C4orf17: variants seen among roughly 807,000 people sequenced by gnomAD.
C4orf17 encodes uncharacterized protein C4orf17.
C4orf17 carries 25 observed loss-of-function variants against 32.0 expected under a neutral mutation model. That is an observed-to-expected ratio of 0.78 (90% confidence interval 0.57 to 1.09). The LOEUF is 1.09. Ranked by LOEUF, C4orf17 falls within the 50% of genes least tolerant of loss-of-function variation. C4orf17 has a pLI of 0.00. For synonymous variants in C4orf17, 149 were observed against 145.8 expected (o/e 1.02, Z -0.16); for missense variants, 420 against 420.0 (o/e 1.00, Z 0.00).
intron 2 of C4orf17, among the ~76,000 whole-genome samples, chr4:99,515,988 G>C (rs1249755059): frequency 6.6e-6 from 1 of 152,110 alleles, no homozygotes; most frequent in Non-Finnish European, 1.5e-5. Context: ...TTGCAGGGAA[G>C]AAATGAAAAG....
At chr4:99,518,579 AGAGAGG>A (rs1560585664) in intron 2 of C4orf17, among the ~76,000 whole-genome samples, 7 of 120,350 alleles carry the variant, frequency 5.8e-5, no homozygotes, top group South Asian at 2.8e-4. Context: ...AGAGAGAGAG[AGAGAGG>A]GAGGGAGACA....
chr4:99,518,155 AC>A (rs1444459345), intron 2 of C4orf17, among the ~76,000 whole-genome samples: 1 of 151,910 alleles, frequency 6.6e-6, no homozygotes, highest in South Asian at 2.1e-4. Context: ...TCCTTTGATG[AC>A]TACTTTGCAA....
At chr4:99,517,034 A>C (rs955535844) in intron 2 of C4orf17, among the ~76,000 whole-genome samples, 1 of 152,162 alleles carries the variant, frequency 6.6e-6, no homozygotes. Flanking sequence ...GCTCGCTTAA[A>C]CAACCTGCTT....
intron 5 of C4orf17, among the ~76,000 whole-genome samples, chr4:99,530,920 T>C (rs1339775290): frequency 6.6e-6 from 1 of 152,254 alleles, no homozygotes; most frequent in African/African-American, 2.4e-5. Flanking sequence ...TTTCACCTGC[T>C]ACACTCTGGC....
At chr4:99,525,343 C>T (rs1723369112) in intron 4 of C4orf17, among the ~76,000 whole-genome samples, 1 of 152,112 alleles carries the variant, frequency 6.6e-6, no homozygotes, top group African/African-American at 2.4e-5. Flanking sequence ...AATGGTCAGT[C>T]TTTTTATTTT....
In C4orf17 at chr4:99,539,368, C is replaced by T; in HGVS notation, c.834C>T (p.Thr278=). Reference sequence around the variant, plus strand: ...GAGATACAGAAGGGGATCAACCAACCAGGTAATTAGATATAATGGCCCCCT... The same window carrying T: ...GAGATACAGAAGGGGATCAACCAACTAGGTAATTAGATATAATGGCCCCCT... ...LTRDTEGDQP[T]RVSSQGSEEN... Residue 278 remains threonine (T), a splice_region_variant and synonymous_variant, in exon 7 of 9, where the codon ACC becomes ACT. Coordinates refer to ENST00000326581, the MANE Select transcript of C4orf17 (RefSeq NM_032149.3). 6.2e-7 allele frequency: 1 copy of T among 1,613,152 alleles called. No individual in the cohort carries two copies. The highest frequency in any genetic ancestry group is 8.5e-7 in the Non-Finnish European group (1 of 1,179,128).
In C4orf17 at chr4:99,513,060, G is replaced by A. The variant is rs1303204858; in HGVS notation, c.-22G>A. 1.2e-6 allele frequency: 2 copies of A among 1,612,964 alleles called. No individual in the cohort carries two copies. The highest frequency in any genetic ancestry group is 1.7e-6 in the Non-Finnish European group (2 of 1,179,532). ...AACTTTTGTGACAACAGTGAAGAGG[G>A]GAAAATAAACACACCACAAACATGA... is the stretch of plus-strand genomic sequence containing the variant. On this transcript the variant is annotated 5_prime_UTR_variant, in exon 2 of 9. Coordinates refer to ENST00000326581, the MANE Select transcript of C4orf17 (RefSeq NM_032149.3).
At chr4:99,518,130 G>A (rs973963713) in intron 2 of C4orf17, among the ~76,000 whole-genome samples, 3 of 151,874 alleles carry the variant, frequency 2.0e-5, no homozygotes, top group Non-Finnish European at 2.9e-5. Context: ...TCCATTCTAG[G>A]CCACTGTTAT....
intron 3 of C4orf17, among the ~76,000 whole-genome samples, chr4:99,523,270 A>G (rs1723328211): frequency 6.8e-6 from 1 of 146,556 alleles, no homozygotes; most frequent in Non-Finnish European, 1.5e-5. Context: ...CCAAAGAGCA[A>G]GGTAAAATAA....
In C4orf17 at chr4:99,529,852, AG is replaced by A; in HGVS notation, c.442del (p.Ala148HisfsTer12). ...IKAKRPPSPP[K>X]ACSTPGSCSS... ...GCCAAAAGACCACCATCACCTCCAA[AG>A]GCATGCTCTACTCCTGGCTCCTGTT... On this transcript the variant is annotated frameshift_variant, in exon 5 of 9. Coordinates refer to ENST00000326581, the MANE Select transcript of C4orf17 (RefSeq NM_032149.3). LOFTEE classifies it high-confidence loss of function. The A allele has an allele frequency of 6.2e-7, 1 of 1,612,838 alleles. No individual in the cohort carries two copies. Among genetic ancestry groups the A allele is most frequent in the Non-Finnish European group, 8.5e-7 (1 of 1,179,348 alleles).
At position 99,522,668 on chromosome 4, in the gene C4orf17, C is replaced by T. The variant is rs767722335; in HGVS notation, c.296C>T (p.Pro99Leu). 1 of 1,613,976 alleles carries T rather than the reference C, an allele frequency of 6.2e-7. No individual in the cohort carries two copies. Among genetic ancestry groups the T allele is most frequent in the Non-Finnish European group, 8.5e-7 (1 of 1,179,976 alleles). ...GAGAGCCCTGTAAGAGGAATGTCGC[C>T]AGCCCCAAACGGTGCCAAAGTGCCT... ...VQESPVRGMSPAPNGAKVPPR... is the reference protein window; with the variant it reads ...VQESPVRGMSLAPNGAKVPPR... The change falls in exon 3 of 9, where the codon CCA (proline) becomes CTA (leucine). Residue 99 changes from proline (P) to leucine (L), a missense_variant. Physicochemically the swap from Pro to Leu is moderately conservative, Grantham distance 98. Coordinates refer to ENST00000326581, the MANE Select transcript of C4orf17 (RefSeq NM_032149.3).
At position 99,522,535 on chromosome 4, in the gene C4orf17, G is replaced by A. The variant is rs1330756478; in HGVS notation, c.163G>A (p.Asp55Asn). 2 of 1,613,944 alleles carry A rather than the reference G, an allele frequency of 1.2e-6. No homozygotes were observed. Among genetic ancestry groups the A allele is most frequent in the Non-Finnish European group, 1.7e-6 (2 of 1,179,896 alleles). ...NNIPICTVND[D>N]ENAFGTLWGV... ...CATTCCAATCTGTACTGTGAATGAT[G>A]ATGAGAATGCATTTGGAACATTGTG... Residue 55 changes from aspartate to asparagine, a missense_variant, in exon 3 of 9, where the codon GAT becomes AAT. Coordinates refer to ENST00000326581, the MANE Select transcript of C4orf17 (RefSeq NM_032149.3).
intron 5 of C4orf17, chr4:99,536,118 G>T: frequency 2.9e-6 from 1 of 342,066 alleles, no homozygotes; most frequent in Non-Finnish European, 5.7e-6. Flanking sequence ...ATCCTAGGGG[G>T]GTACTGAGCT....
intron 6 of C4orf17, among the ~76,000 whole-genome samples, chr4:99,538,016 C>T (rs992306854): frequency 6.6e-6 from 1 of 152,170 alleles, no homozygotes; most frequent in Non-Finnish European, 1.5e-5. Context: ...CGGTCTTATT[C>T]TCAGCTAGAG....
intron 5 of C4orf17, among the ~76,000 whole-genome samples, chr4:99,530,281 C>G (rs1723457100): frequency 1.3e-5 from 2 of 152,098 alleles, no homozygotes; most frequent in Admixed American, 6.6e-5. Context: ...CTCTTAATGT[C>G]TTGCCGCAAT....
At chr4:99,513,250 C>G in intron 2 of C4orf17, 42 bp downstream of exon 2, 1 of 1,607,088 alleles carries the variant, frequency 6.2e-7, no homozygotes. Context: ...CTATTCTCTA[C>G]ACTTGGGCTA....
intron 5 of C4orf17, among the ~76,000 whole-genome samples, chr4:99,533,533 G>A (rs1723511303): frequency 1.3e-5 from 2 of 152,146 alleles, no homozygotes; most frequent in Non-Finnish European, 2.9e-5. Flanking sequence ...ACAGAGAGCA[G>A]CAGCTTCACT....
intron 8 of C4orf17, chr4:99,540,758 A>G (rs894503488): frequency 4.6e-6 from 1 of 215,836 alleles, no homozygotes; most frequent in Non-Finnish European, 9.2e-6. Context: ...GCATTGACCT[A>G]ACAAAAGGAC....
chr4:99,518,710 T>A (rs1245568091), intron 2 of C4orf17, among the ~76,000 whole-genome samples: 1 of 150,474 alleles, frequency 6.6e-6, no homozygotes, highest in African/African-American at 2.5e-5. Context: ...TGTGGCCTCA[T>A]CTCCTATCAA....
Sources: gnomAD v4.1 joint callset for allele counts (sites outside exome capture counted in the v4.1 genomes callset) on GRCh38, gnomAD v4.1.1 for gene constraint, MANE v1.5 for transcripts, NCBI Gene and HGNC (gene_info 2026-07-23, HGNC 2026-07-21) for gene names.